Variants in OR56A3 observed in about 807,000 individuals in gnomAD.
OR56A3 encodes olfactory receptor 56A3.
OR56A3 carries 23 observed loss-of-function variants against 17.5 expected under a neutral mutation model. That is an observed-to-expected ratio of 1.32 (90% CI 0.95 to 1.87). The LOEUF is 1.87. Among genes scored for constraint, OR56A3 ranks in the 40% most tolerant of loss-of-function variants. The probability of loss-of-function intolerance (pLI) is 0.00; values close to 1 mark genes in which losing one functional copy is unlikely to be tolerated. For synonymous variants in OR56A3, 175 were observed against 150.6 expected (o/e 1.16, Z -1.19); for missense variants, 366 against 380.1 (o/e 0.96, Z 0.31).
chr11:5,947,715 C>T lies in OR56A3; in HGVS notation c.369C>T (p.Ala123=). 6.2e-7 allele frequency: 1 copy of T among 1,614,208 alleles called. No homozygotes were observed. Among genetic ancestry groups the T allele is most frequent in the Non-Finnish European group, 8.5e-7 (1 of 1,180,036 alleles). ...AMESCTFMVM[A]YDRYVAICHP... Reference sequence around the variant, plus strand: ...AGTCTTGCACATTCATGGTCATGGCCTATGATCGTTATGTAGCCATCTGCC... The same window carrying T: ...AGTCTTGCACATTCATGGTCATGGCTTATGATCGTTATGTAGCCATCTGCC... Residue 123 remains alanine (A), a synonymous_variant, in exon 3 of 3, where the codon GCC becomes GCT. Transcript: ENST00000641160.
chr11:6,016,669 AAG>A, the OR56A3 span, among the ~76,000 whole-genome samples: 1 of 152,156 alleles, frequency 6.6e-6, no homozygotes, highest in East Asian at 1.9e-4. Context: ...TCCAATGAAA[AAG>A]AAATTTATTA....
the OR56A3 span, chr11:5,994,983 A>G: frequency 1.5e-6 from 1 of 686,884 alleles, no homozygotes. Flanking sequence ...AGGCGCCCGG[A>G]CCCCAAGCCA....
chr11:6,010,178 T>C, the OR56A3 span, among the ~76,000 whole-genome samples: 1 of 152,230 alleles, frequency 6.6e-6, no homozygotes, highest in Non-Finnish European at 1.5e-5. Context: ...ATATATAACT[T>C]GTGACTGATA....
At chr11:5,955,948 C>T (rs756319075), downstream of OR56A3, among the ~76,000 whole-genome samples, 5 of 152,118 alleles carry the variant, frequency 3.3e-5, no homozygotes, top group Non-Finnish European at 5.9e-5. Flanking sequence ...AGCGTTTACC[C>T]CAAAATAACT....
At position 5,943,075 on chromosome 11, in the gene OR56A3, A is replaced by G. The variant is rs539900532; in HGVS notation, c.-314+701A>G. Among the ~76,000 whole-genome samples the G allele has an allele frequency of 4.6e-5, 7 of 152,362 alleles. No homozygotes were observed. The South Asian group carries it at 1.2e-3, about 27-fold the overall frequency. ...TGGCAAGTTTTGATTACAAACCAAG[A>G]TTGAATAATGAAAGGAGAAAAGGAG... On this transcript the variant is annotated intron_variant, in intron 1 of 2. Transcript: ENST00000641160.
chr11:5,944,734 C>G lies in OR56A3; in HGVS notation c.-313-72C>G, dbSNP rs372718762. On this transcript the variant is annotated intron_variant, in intron 1 of 2. Transcript: ENST00000641160. ...ACCTACTTCAAAGTATTATGAATCA[C>G]AAATGAAACGGTATGTTTAAAATTC... 4.6e-5 allele frequency: 7 copies of G among 152,294 alleles called. No homozygotes were observed. The East Asian group carries it at 9.6e-4, about 21-fold the overall frequency. The allele number at this position is 152,294 out of a possible 1,614,324, so 9.4% of individuals were successfully genotyped here. A position where few individuals can be genotyped will look rare whatever the true frequency, so the allele number is the denominator to read the frequency against.
chr11:6,018,593 G>C, the OR56A3 span, among the ~76,000 whole-genome samples: 57 of 152,084 alleles, frequency 3.7e-4, no homozygotes, highest in East Asian at 9.8e-3. Flanking sequence ...TATCAAAAAA[G>C]TAGAAAGATT....
chr11:6,012,898 A>C, the OR56A3 span, among the ~76,000 whole-genome samples: 3 of 152,248 alleles, frequency 2.0e-5, no homozygotes, highest in African/African-American at 7.2e-5. Flanking sequence ...GGGCTGTGAT[A>C]GCACCCAAGC....
At position 5,948,746 on chromosome 11, in the gene OR56A3, A is replaced by C. The variant is rs1486568439; in HGVS notation, c.*452A>C. Reference sequence around the variant, plus strand: ...TTGAAATTTCAGTCCTCAGTGGTGGAAAGTTGCTACTGGTCTGTAAGTAGG... The same window carrying C: ...TTGAAATTTCAGTCCTCAGTGGTGGCAAGTTGCTACTGGTCTGTAAGTAGG... On this transcript the variant is annotated 3_prime_UTR_variant, in exon 3 of 3. Coordinates refer to ENST00000641160, the MANE Select transcript of OR56A3 (RefSeq NM_001003443.3). The C allele has an allele frequency of 2.5e-5, 4 of 162,944 alleles. No homozygotes were observed. The highest frequency in any genetic ancestry group is 5.4e-5 in the Non-Finnish European group (4 of 74,022). 10.1% of individuals were successfully genotyped at this position (162,944 alleles called of 1,614,324 possible).
At chr11:5,982,942 T>C in the OR56A3 span, among the ~76,000 whole-genome samples, 1 of 152,046 alleles carries the variant, frequency 6.6e-6, no homozygotes, top group Admixed American at 6.5e-5. Flanking sequence ...TCCTCCTCTT[T>C]CAGCCCAGCG....
the OR56A3 span, among the ~76,000 whole-genome samples, chr11:5,959,343 T>C: frequency 3.9e-5 from 6 of 152,316 alleles, no homozygotes; most frequent in Admixed American, 2.6e-4. Flanking sequence ...GTTTTTATAA[T>C]AGTCATTCTC....
At chr11:5,942,512 T>C (rs1847844792) in intron 1 of OR56A3, 138 bp downstream of exon 1, 1 of 152,212 alleles carries the variant, frequency 6.6e-6, no homozygotes, top group African/African-American at 2.4e-5. Context: ...GTGCATAATT[T>C]GGAGCCAAGT....
chr11:6,014,989 C>CAAAAAAAAAAAAAAAAAAAAAAAAAAAAA, the OR56A3 span, among the ~76,000 whole-genome samples: 12 of 35,200 alleles, frequency 3.4e-4, 4 homozygotes, highest in East Asian at 2.8e-3. Flanking sequence ...TATTCATGGG[C>CAAAAAAAAAAAAAAAAAAAAAAAAAAAAA]AAAAAAAAAA....
the OR56A3 span, chr11:6,002,812 G>A: frequency 2.5e-6 from 4 of 1,613,816 alleles, no homozygotes; most frequent in Non-Finnish European, 3.4e-6. Context: ...TAGTACAGGG[G>A]CTGGTGCAGA....
the OR56A3 span, chr11:5,994,001 A>C: frequency 2.2e-6 from 1 of 455,522 alleles, no homozygotes; most frequent in Non-Finnish European, 4.4e-6. Context: ...CCAAGATTGA[A>C]ATCTTTGCTG....
chr11:5,948,302 C>G lies in OR56A3; in HGVS notation c.*8C>G, dbSNP rs371389058. On this transcript the variant is annotated 3_prime_UTR_variant, in exon 3 of 3. Coordinates refer to ENST00000641160, the MANE Select transcript of OR56A3 (RefSeq NM_001003443.3). Reference sequence around the variant, plus strand: ...TTGAAGAAAGGGTGCTAACAAGGACCACTGGATCTCTGAATATCTAAAATA... The same window carrying G: ...TTGAAGAAAGGGTGCTAACAAGGACGACTGGATCTCTGAATATCTAAAATA... The G allele has an allele frequency of 1.3e-6, 2 of 1,561,590 alleles. No individual in the cohort carries two copies. Among genetic ancestry groups the G allele is most frequent in the African/African-American group, 2.7e-5 (2 of 73,478 alleles).
the OR56A3 span, among the ~76,000 whole-genome samples, chr11:6,004,478 A>G: frequency 3.3e-5 from 5 of 152,238 alleles, no homozygotes; most frequent in Non-Finnish European, 7.3e-5. Flanking sequence ...GCATGAGAAG[A>G]TATTAGAAGA....
At chr11:5,976,816 A>G in the OR56A3 span, among the ~76,000 whole-genome samples, 1 of 152,070 alleles carries the variant, frequency 6.6e-6, no homozygotes, top group Non-Finnish European at 1.5e-5. Flanking sequence ...TTATTTAGTC[A>G]TCCAGGTAAT....
chr11:5,993,118 G>GGAGGAAA, the OR56A3 span, among the ~76,000 whole-genome samples: 2 of 152,134 alleles, frequency 1.3e-5, no homozygotes, highest in Non-Finnish European at 2.9e-5. Flanking sequence ...CTGTGAAGCA[G>GGAGGAAA]GAGGAAAGGG....
Sources: allele counts gnomAD v4.1 joint callset (sites outside exome capture counted in the v4.1 genomes callset), GRCh38; gene constraint gnomAD v4.1.1; transcripts MANE v1.5; gene names NCBI Gene and HGNC (gene_info 2026-07-23, HGNC 2026-07-21).